CDR2L: variants seen among roughly 807,000 people sequenced by gnomAD.
The protein encoded by CDR2L is cerebellar degeneration-related protein 2-like.
Under a neutral mutation model 36.1 loss-of-function variants are expected in CDR2L, and 19 were observed. That is an observed-to-expected ratio of 0.53 (90% CI 0.37 to 0.77). The LOEUF (loss-of-function observed/expected upper bound fraction) is 0.77. Among genes scored for constraint, CDR2L ranks in the 30% least tolerant of loss-of-function variants. CDR2L has a pLI of 0.00. For synonymous variants in CDR2L, 285 were observed against 280.4 expected (o/e 1.02, Z -0.16); for missense variants, 575 against 627.2 (o/e 0.92, Z 0.89).
Position 75,003,541 on chromosome 17 carries a change from C to A in CDR2L, c.865C>A (p.Gln289Lys). 6.6e-7 allele frequency: 1 copy of A among 1,514,340 alleles called. No individual in the cohort carries two copies. Among genetic ancestry groups the A allele is most frequent in the Non-Finnish European group, 8.9e-7 (1 of 1,129,380 alleles). 93.8% of individuals were successfully genotyped at this position (1,514,340 alleles called of 1,614,324 possible). The stretch of plus-strand genomic sequence containing the variant: ...GCAGGCCCCTGAGGCCGACGATCCC[C>A]AGCCCGGCCGCGGGGACGACTTGGG... ...LTQAPEADDP[Q>K]PGRGDDLGAQ... The change falls in exon 5 of 5, where the codon CAG (glutamine) becomes AAG (lysine). Residue 289 changes from glutamine to lysine, a missense_variant. Gln to Lys is a moderately conservative substitution (Grantham distance 53, BLOSUM62 1). Transcript: ENST00000337231.
rs887136205 is a variant in CDR2L, at chr17:74,988,024, C to T, written c.-20C>T. On this transcript the variant is annotated 5_prime_UTR_variant, in exon 1 of 5. Transcript: ENST00000337231. ...CCCTGAGCTGCGCCGCCGCAGCACC[C>T]GCCCGCCGCCCGCGGGGCCATGCGG... The T allele has an allele frequency of 1.3e-6, 2 of 1,502,952 alleles. No homozygotes were observed. Among genetic ancestry groups the T allele is most frequent in the Admixed American group, 2.2e-5 (1 of 45,346 alleles). 93.1% of individuals were successfully genotyped at this position (1,502,952 alleles called of 1,614,324 possible). A position where few individuals can be genotyped will look rare whatever the true frequency, so the allele number is the denominator to read the frequency against.
At chr17:74,999,178 C>G (rs1184253382) in intron 1 of CDR2L, among the ~76,000 whole-genome samples, 2 of 152,148 alleles carry the variant, frequency 1.3e-5, no homozygotes, top group African/African-American at 4.8e-5. Context: ...TGTATTTGTT[C>G]CACTGATGCA....
rs1567974301 is a variant in CDR2L at position 74,997,068 on chromosome 17, C to CT, written c.80-2433dup. The stretch of plus-strand genomic sequence containing the variant: ...TCTTTCTTTCTTTCTTTCTTTCTTT[C>CT]TTTCTTTCTTTCTTTCTTTTTTTTT... On this transcript the variant is annotated intron_variant, in intron 1 of 4. Transcript: ENST00000337231. Among the ~76,000 whole-genome samples, 3 of 5,116 alleles carry CT rather than the reference C, an allele frequency of 5.9e-4. 1 individual carries two copies. Among genetic ancestry groups the CT allele is most frequent in the Non-Finnish European group, 9.7e-4 (1 of 1,028 alleles). The allele number at this position is 5,116 out of a possible 152,430, so 3.4% of individuals were successfully genotyped here.
chr17:75,001,417 C>G lies in CDR2L; in HGVS notation c.269C>G (p.Thr90Arg). 1 of 1,609,650 alleles carries G rather than the reference C, an allele frequency of 6.2e-7. No homozygotes were observed. Among genetic ancestry groups the G allele is most frequent in the Non-Finnish European group, 8.5e-7 (1 of 1,178,400 alleles). The change falls in exon 3 of 5, where the codon ACA (threonine) becomes AGA (arginine). Residue 90 changes from threonine to arginine, a missense_variant. Thr to Arg is a moderately conservative substitution (Grantham distance 71). Transcript: ENST00000337231. ...AAAGTCTATGAGCAGCTGGACCTGA[C>G]AGCCCGGGACCTGGAGCTGACCAAC... Reference protein sequence around the residue: ...HAKVYEQLDLTARDLELTNHR... With the variant: ...HAKVYEQLDLRARDLELTNHR...
At chr17:74,999,322 ACAC>A (rs2039849728) in intron 1 of CDR2L, among the ~76,000 whole-genome samples, 179 bp from the exon 2 acceptor site, 1 of 151,442 alleles carries the variant, frequency 6.6e-6, no homozygotes, top group East Asian at 2.1e-4. Context: ...ACACAGACAC[ACAC>A]AAAAAGAACA....
rs1004681843 is a variant in CDR2L at position 74,996,452 on chromosome 17, A to AAG, written c.80-3051_80-3050insGA. On this transcript the variant is annotated intron_variant, in intron 1 of 4. Transcript: ENST00000337231. ...AAGCGAGACTCCGTCTCAAAAAAAA[A>AAG]AAAAAAAGAAACAAAAAATAATAAA... Among the ~76,000 whole-genome samples the AAG allele has an allele frequency of 2.6e-5, 4 of 151,252 alleles. No homozygotes were observed. In the East Asian group the frequency reaches 7.7e-4, roughly 29 times the overall value.
chr17:74,999,679 A>G, intron 2 of CDR2L, 63 bp downstream of exon 2: 1 of 989,284 alleles, frequency 1.0e-6, no homozygotes. Context: ...GTGTGCCTTT[A>G]TGCAACTTAG....
At position 75,003,621 on chromosome 17, in the gene CDR2L, G is replaced by A. The variant is rs1339316135; in HGVS notation, c.945G>A (p.Lys315=). 8 of 1,477,880 alleles carry A rather than the reference G, an allele frequency of 5.4e-6. No individual in the cohort carries two copies. Among genetic ancestry groups the A allele is most frequent in the Non-Finnish European group, 7.2e-6 (8 of 1,114,740 alleles). The allele number at this position is 1,477,880 out of a possible 1,614,324, so 91.5% of individuals were successfully genotyped here. A position where few individuals can be genotyped will look rare whatever the true frequency, so the allele number is the denominator to read the frequency against. ...CCTCTCCAGGCCACGTGGTGCGCAA[G>A]AGCTGCAGCGACACTGCGCTCAACG... ...PAASPGHVVR[K]SCSDTALNAI... Residue 315 remains lysine (K), a synonymous_variant, in exon 5 of 5, where the codon AAG becomes AAA. Coordinates refer to ENST00000337231, the MANE Select transcript of CDR2L (RefSeq NM_014603.3).
chr17:74,988,056 G>T lies in CDR2L; in HGVS notation c.13G>T (p.Ala5Ser), dbSNP rs966772537. Residue 5 changes from alanine to serine, a missense_variant, in exon 1 of 5, where the codon GCC becomes TCC. Physicochemically the swap from Ala to Ser is moderately conservative, Grantham distance 99. Coordinates refer to ENST00000337231, the MANE Select transcript of CDR2L (RefSeq NM_014603.3). The stretch of plus-strand genomic sequence containing the variant: ...CGCCCGCGGGGCCATGCGGAGAGCC[G>T]CCGGGATGGAGGACTTCTCCGCGGA... MRRA[A>S]GMEDFSAEEE... The T allele has an allele frequency of 1.8e-5, 27 of 1,524,544 alleles. No individual in the cohort carries two copies. The highest frequency in any genetic ancestry group is 2.3e-5 in the Non-Finnish European group (26 of 1,137,566). 94.4% of individuals were successfully genotyped at this position (1,524,544 alleles called of 1,614,324 possible).
At chr17:74,988,903 C>T (rs2039779758) in intron 1 of CDR2L, among the ~76,000 whole-genome samples, 1 of 152,112 alleles carries the variant, frequency 6.6e-6, no homozygotes, top group Non-Finnish European at 1.5e-5. Context: ...GCCGAAATGA[C>T]ATCACTGGGA....
In CDR2L at chr17:74,988,024, C is replaced by G. The variant is rs887136205; in HGVS notation, c.-20C>G. The G allele has an allele frequency of 4.0e-6, 6 of 1,502,844 alleles. No individual in the cohort carries two copies. In the Admixed American group the frequency reaches 1.1e-4, roughly 28 times the overall value. The allele number at this position is 1,502,844 out of a possible 1,614,324, so 93.1% of individuals were successfully genotyped here. A position where few individuals can be genotyped will look rare whatever the true frequency, so the allele number is the denominator to read the frequency against. On this transcript the variant is annotated 5_prime_UTR_variant, in exon 1 of 5. Coordinates refer to ENST00000337231, the MANE Select transcript of CDR2L (RefSeq NM_014603.3). ...CCCTGAGCTGCGCCGCCGCAGCACC[C>G]GCCCGCCGCCCGCGGGGCCATGCGG...
chr17:75,002,239 G>C lies in CDR2L; in HGVS notation c.506+11G>C. 2 of 1,601,102 alleles carry C rather than the reference G, an allele frequency of 1.2e-6. No homozygotes were observed. The highest frequency in any genetic ancestry group is 3.3e-4 in the Middle Eastern group (2 of 6,026). On this transcript the variant is annotated intron_variant, in intron 4 of 4. Coordinates refer to ENST00000337231, the MANE Select transcript of CDR2L (RefSeq NM_014603.3). This position sits in a 1 kb window ranked among gnomAD's most constrained non-coding sequence, Gnocchi z 4.1. ...GTGCACCAGCCCCCGGTAGGTGAGA[G>C]CACTGCTTGGTGTCTCTGGGATTGC...
At position 75,003,168 on chromosome 17, in the gene CDR2L, C is replaced by A; in HGVS notation, c.507-15C>A. The A allele has an allele frequency of 1.9e-6, 3 of 1,555,416 alleles. No homozygotes were observed. Among genetic ancestry groups the A allele is most frequent in the Non-Finnish European group, 2.6e-6 (3 of 1,150,504 alleles). On this transcript the variant is annotated splice_polypyrimidine_tract_variant and intron_variant, in intron 4 of 4. Transcript: ENST00000337231. ...CCTCCGCCCCCACCCCGCTGCGACT[C>A]TCACTACCCGCCAGGTGCAAGGATG...
At chr17:74,993,222 C>A (rs1331889911) in intron 1 of CDR2L, among the ~76,000 whole-genome samples, 2 of 151,980 alleles carry the variant, frequency 1.3e-5, no homozygotes, top group South Asian at 4.2e-4. Context: ...TGATCTTGCC[C>A]GGCTCCTGAG....
At position 75,002,542 on chromosome 17, in the gene CDR2L, C is replaced by T. The variant is rs971235793; in HGVS notation, c.506+314C>T. 1.3e-5 allele frequency among the ~76,000 whole-genome samples: 2 copies of T among 152,174 alleles called. No individual in the cohort carries two copies. Among genetic ancestry groups the T allele is most frequent in the East Asian group, 1.9e-4 (1 of 5,206 alleles). On this transcript the variant is annotated intron_variant, in intron 4 of 4. Coordinates refer to ENST00000337231, the MANE Select transcript of CDR2L (RefSeq NM_014603.3). The surrounding 1 kb of genome is among the most constrained non-coding windows in gnomAD (Gnocchi z 4.1). ...TAAGAGGCTCAGCCAGCATGCTAAC[C>T]CAGGAGGGGTAACCCACTGTGCTTT...
chr17:74,997,083 TC>T lies in CDR2L; in HGVS notation c.80-2420del, dbSNP rs61251948. 1.2e-3 allele frequency among the ~76,000 whole-genome samples: 81 copies of T among 68,454 alleles called. 4 individuals are homozygous for T. Among genetic ancestry groups the T allele is most frequent in the African/African-American group, 4.5e-3 (63 of 14,082 alleles). The allele number at this position is 68,454 out of a possible 152,430, so 44.9% of individuals were successfully genotyped here. Reference sequence around the variant, plus strand: ...TTCTTTCTTTCTTTCTTTCTTTCTTTCTTTTTTTTTTTTGAGACTGAGTCTC... The same window carrying T: ...TTCTTTCTTTCTTTCTTTCTTTCTTTTTTTTTTTTTTTGAGACTGAGTCTC... On this transcript the variant is annotated intron_variant, in intron 1 of 4. Coordinates refer to ENST00000337231, the MANE Select transcript of CDR2L (RefSeq NM_014603.3).
At position 75,003,579 on chromosome 17, in the gene CDR2L, G is replaced by T. The variant is rs1391391663; in HGVS notation, c.903G>T (p.Gly301=). Residue 301 remains glycine (G), a synonymous_variant, in exon 5 of 5, where the codon GGG becomes GGT. Transcript: ENST00000337231. The stretch of plus-strand genomic sequence containing the variant: ...GGGACGACTTGGGCGCCCAGGACGG[G>T]GTCTCCTCACCGGCAGCCTCTCCAG... ...GRGDDLGAQD[G]VSSPAASPGH... The T allele has an allele frequency of 4.6e-6, 7 of 1,508,746 alleles. No homozygotes were observed. Among genetic ancestry groups the T allele is most frequent in the Non-Finnish European group, 6.2e-6 (7 of 1,127,918 alleles). The allele number at this position is 1,508,746 out of a possible 1,614,324, so 93.5% of individuals were successfully genotyped here.
At chr17:74,990,153 C>T (rs1056097756) in intron 1 of CDR2L, among the ~76,000 whole-genome samples, 2 of 152,176 alleles carry the variant, frequency 1.3e-5, no homozygotes, top group Non-Finnish European at 2.9e-5. Flanking sequence ...GTGGGAGATG[C>T]GCAGAGATGT....
intron 1 of CDR2L, among the ~76,000 whole-genome samples, chr17:74,998,221 G>T (rs545192972): frequency 5.9e-5 from 9 of 151,300 alleles, no homozygotes; most frequent in Non-Finnish European, 1.3e-4. Context: ...GCAAAACTCC[G>T]TCTCAAAAAA....
Sources: allele counts gnomAD v4.1 joint callset (sites outside exome capture counted in the v4.1 genomes callset), GRCh38; gene constraint gnomAD v4.1.1; non-coding constraint Gnocchi (gnomAD v3.1); transcripts MANE v1.5; gene names NCBI Gene and HGNC (gene_info 2026-07-23, HGNC 2026-07-21).